The following XRCC5 variants were observed in gnomAD, a reference collection of about 807,000 sequenced individuals.
XRCC5 encodes the protein DNA repair protein Ku80.
XRCC5 carries 12 observed loss-of-function variants against 95.7 expected under a neutral mutation model. The ratio of observed to expected loss-of-function variants is 0.13; its 90% confidence interval spans 0.08 to 0.20. XRCC5 has a LOEUF of 0.20. XRCC5 is among the 10% of genes least tolerant of loss of function. The pLI is 1.00. For synonymous variants in XRCC5, 281 were observed against 290.3 expected (o/e 0.97, Z 0.33); for missense variants, 595 against 873.9 (o/e 0.68, Z 4.02).
chr2:216,194,820 A>C, intron 18 of XRCC5, 99 bp from the exon 19 acceptor site: 1 of 1,137,818 alleles, frequency 8.8e-7, no homozygotes, highest in Non-Finnish European at 1.3e-6. Flanking sequence ...AAAAAAAAGA[A>C]ATCTTCAGCT....
intron 14 of XRCC5, among the ~76,000 whole-genome samples, chr2:216,158,899 CA>C (rs1210032429): frequency 6.6e-6 from 1 of 152,036 alleles, no homozygotes; most frequent in African/African-American, 2.4e-5. Context: ...ATTTTTGCTT[CA>C]TTTTTAAAAT....
At chr2:216,123,130 T>G (rs979958105) in intron 6 of XRCC5, among the ~76,000 whole-genome samples, 34 of 152,312 alleles carry the variant, frequency 2.2e-4, no homozygotes, top group African/African-American at 7.2e-4. Context: ...ATTTCCAGCT[T>G]ATCAGTCTGT....
At chr2:216,136,422 G>T (rs1453491529) in intron 10 of XRCC5, among the ~76,000 whole-genome samples, 2 of 151,820 alleles carry the variant, frequency 1.3e-5, no homozygotes, top group African/African-American at 4.8e-5. Flanking sequence ...GGGACTGGAT[G>T]AAATAATCCC....
chr2:216,127,551 G>GTTT lies in XRCC5; in HGVS notation c.816_817insTTT (p.Val272_Lys273insPhe). The GTTT allele has an allele frequency of 6.2e-7, 1 of 1,603,006 alleles. No homozygotes were observed. The highest frequency in any genetic ancestry group is 8.5e-7 in the Non-Finnish European group (1 of 1,177,258). The stretch of plus-strand genomic sequence containing the variant: ...GGAATGTAAGATTCTACAGGAGAGA[G>GTTT]TTAAAAAGACTTGGACAGTTGTGGA... On this transcript the variant is annotated inframe_insertion, in exon 8 of 21. Transcript: ENST00000392132.
At chr2:216,143,407 A>G (rs1359891809) in intron 13 of XRCC5, among the ~76,000 whole-genome samples, 1 of 152,220 alleles carries the variant, frequency 6.6e-6, no homozygotes, top group African/African-American at 2.4e-5. Flanking sequence ...CTGTGGAGAA[A>G]AAGAGAAACT....
chr2:216,170,550 A>G lies in XRCC5; in HGVS notation c.1834+8502A>G, dbSNP rs147241670. 4.2e-3 allele frequency among the ~76,000 whole-genome samples: 645 copies of G among 152,290 alleles called. 2 individuals carry two copies. Among genetic ancestry groups the G allele is most frequent in the African/African-American group, 0.015 (624 of 41,566 alleles). ...AGATATCAAAAGAACTCACTGTCACAAGAACAGCAAAGGGGAAGTCCTCTG... is the reference window on the plus strand; with the variant it reads ...AGATATCAAAAGAACTCACTGTCACGAGAACAGCAAAGGGGAAGTCCTCTG... On this transcript the variant is annotated intron_variant, in intron 16 of 20. Coordinates refer to ENST00000392132, the MANE Select transcript of XRCC5 (RefSeq NM_021141.4).
intron 7 of XRCC5, among the ~76,000 whole-genome samples, chr2:216,126,637 G>T (rs1037253544): frequency 6.6e-6 from 1 of 152,020 alleles, no homozygotes; most frequent in African/African-American, 2.4e-5. Flanking sequence ...TCCTTTAAGT[G>T]TTCAAAATAA....
intron 20 of XRCC5, among the ~76,000 whole-genome samples, chr2:216,204,670 T>C (rs1424063003): frequency 6.6e-6 from 1 of 152,222 alleles, no homozygotes; most frequent in Non-Finnish European, 1.5e-5. Context: ...AGGGAGGCTA[T>C]TCCATTAGTA....
intron 13 of XRCC5, among the ~76,000 whole-genome samples, chr2:216,143,040 A>G (rs1474734594): frequency 2.6e-5 from 4 of 152,210 alleles, no homozygotes; most frequent in South Asian, 4.1e-4. Flanking sequence ...AATGTGCTCA[A>G]AACACTTCAC....
chr2:216,147,940 G>A (rs745641451), intron 13 of XRCC5, 143 bp from the exon 14 acceptor site: 3 of 884,224 alleles, frequency 3.4e-6, no homozygotes, highest in Non-Finnish European at 5.2e-6. Flanking sequence ...GGTGGTTCTA[G>A]GTGAATCCTC....
chr2:216,114,475 G>A (rs1448564738), intron 2 of XRCC5, among the ~76,000 whole-genome samples: 1 of 152,080 alleles, frequency 6.6e-6, no homozygotes, highest in Non-Finnish European at 1.5e-5. Context: ...CCCCTGGTAT[G>A]CTGTTAGAGA....
rs773532552 is a variant in XRCC5 at position 216,148,307 on chromosome 2, TG to T, written c.1670+35del. On this transcript the variant is annotated intron_variant, in intron 14 of 20. Transcript: ENST00000392132. ...TACTTGGTATAGTTGCATTTAACAT[TG>T]GGGTACATAAGAGTTGTGGTCATTT... The T allele has an allele frequency of 1.1e-5, 17 of 1,584,074 alleles. No homozygotes were observed. In the African/African-American group the frequency reaches 2.0e-4, roughly 19 times the overall value.
In XRCC5 at chr2:216,205,333, C is replaced by A; in HGVS notation, c.*131C>A. Reference sequence around the variant, plus strand: ...AAATTCCCAGCAGGTTACCTGGAGGCGGATCATCTAATTCTCTGTGGAATG... The same window carrying A: ...AAATTCCCAGCAGGTTACCTGGAGGAGGATCATCTAATTCTCTGTGGAATG... On this transcript the variant is annotated 3_prime_UTR_variant, in exon 21 of 21. Coordinates refer to ENST00000392132, the MANE Select transcript of XRCC5 (RefSeq NM_021141.4). The A allele has an allele frequency of 1.9e-6, 2 of 1,037,130 alleles. No homozygotes were observed. The highest frequency in any genetic ancestry group is 3.0e-6 in the Non-Finnish European group (2 of 657,472). 64.2% of individuals were successfully genotyped at this position (1,037,130 alleles called of 1,614,324 possible). A position where few individuals can be genotyped will look rare whatever the true frequency, so the allele number is the denominator to read the frequency against.
chr2:216,181,352 A>G (rs917487414), intron 16 of XRCC5, among the ~76,000 whole-genome samples: 2 of 152,030 alleles, frequency 1.3e-5, no homozygotes, highest in Non-Finnish European at 2.9e-5. Flanking sequence ...CACAGATTTT[A>G]TTCTGGGTCA....
intron 14 of XRCC5, among the ~76,000 whole-genome samples, chr2:216,152,416 A>G (rs1037708332): frequency 4.0e-5 from 6 of 151,720 alleles, no homozygotes; most frequent in African/African-American, 1.2e-4. Context: ...ACTCCAGCCT[A>G]GGCAACAGAG....
chr2:216,162,037 G>C lies in XRCC5; in HGVS notation c.1823G>C (p.Ser608Thr), dbSNP rs372770240. Reference protein sequence around the residue: ...FRVLVKQKKASFEEASNQLIN... With the variant: ...FRVLVKQKKATFEEASNQLIN... The stretch of plus-strand genomic sequence containing the variant: ...GTTCTAGTGAAACAGAAGAAGGCCA[G>C]CTTTGAGGAAGGTGAGTGGTTGACT... The change falls in exon 16 of 21, where the codon AGC (serine) becomes ACC (threonine). Residue 608 changes from serine (S) to threonine (T), a missense_variant. Physicochemically the swap from Ser to Thr is moderately conservative, Grantham distance 58. Coordinates refer to ENST00000392132, the MANE Select transcript of XRCC5 (RefSeq NM_021141.4). 16 of 1,614,054 alleles carry C rather than the reference G, an allele frequency of 9.9e-6. No individual in the cohort carries two copies. The highest frequency in any genetic ancestry group is 2.7e-5 in the African/African-American group (2 of 74,950).
intron 9 of XRCC5, among the ~76,000 whole-genome samples, chr2:216,131,643 C>G (rs1696995254): frequency 6.6e-6 from 1 of 152,170 alleles, no homozygotes; most frequent in Non-Finnish European, 1.5e-5. Context: ...AACCCTTCCC[C>G]TCTAAGTCTT....
intron 16 of XRCC5, among the ~76,000 whole-genome samples, chr2:216,167,404 A>G (rs1281200130): frequency 6.6e-6 from 1 of 152,220 alleles, no homozygotes; most frequent in Non-Finnish European, 1.5e-5. Flanking sequence ...TATTCATCAA[A>G]GCCAAATAGT....
rs1273682375 is a variant in XRCC5, at chr2:216,141,394, C to G, written c.1476+75C>G. ...CTAAGTGCAAAGTTGCGGTAATTGG[C>G]CAGTCCTAAATAAATGTCTTTTTTC... On this transcript the variant is annotated intron_variant, in intron 13 of 20. Coordinates refer to ENST00000392132, the MANE Select transcript of XRCC5 (RefSeq NM_021141.4). 5 of 1,540,420 alleles carry G rather than the reference C, an allele frequency of 3.2e-6. No individual in the cohort carries two copies. The Admixed American group carries it at 5.2e-5, about 16-fold the overall frequency.
Sources: gnomAD v4.1 joint callset for allele counts (sites outside exome capture counted in the v4.1 genomes callset) on GRCh38, gnomAD v4.1.1 for gene constraint, MANE v1.5 for transcripts, NCBI Gene and HGNC (gene_info 2026-07-23, HGNC 2026-07-21) for gene names.